The following AUH variants were observed in gnomAD, a reference collection of about 807,000 sequenced individuals.
AUH encodes AU RNA binding methylglutaconyl-CoA hydratase, also known as methylglutaconyl-CoA hydratase, mitochondrial.
Under a neutral mutation model 42.3 loss-of-function variants are expected in AUH, and 29 were observed. That is an observed-to-expected ratio of 0.69 (90% CI 0.51 to 0.93). The LOEUF is 0.93. Ranked by LOEUF, AUH falls within the 40% of genes least tolerant of loss-of-function variation. The pLI is 0.00. For missense variants in AUH, 452 were observed against 438.1 expected (o/e 1.03, Z -0.28); for synonymous variants, 174 against 166.4 (o/e 1.05, Z -0.35).
chr9:91,221,626 CTG>C (rs1402586520), intron 6 of AUH, among the ~76,000 whole-genome samples: 1 of 152,022 alleles, frequency 6.6e-6, no homozygotes, highest in African/African-American at 2.4e-5. Flanking sequence ...GGAAAATCCA[CTG>C]TGTGTGGAGT....
intron 6 of AUH, among the ~76,000 whole-genome samples, chr9:91,280,097 T>A (rs1825847075): frequency 6.6e-6 from 1 of 152,190 alleles, no homozygotes; most frequent in South Asian, 2.1e-4. Context: ...AAAAAAGCAG[T>A]CACCAAACTG....
At chr9:91,304,267 A>G (rs1203816229) in intron 4 of AUH, among the ~76,000 whole-genome samples, 1 of 152,190 alleles carries the variant, frequency 6.6e-6, no homozygotes, top group Non-Finnish European at 1.5e-5. Flanking sequence ...CTGTCATAGT[A>G]ATTTCAGGCT....
intron 6 of AUH, among the ~76,000 whole-genome samples, chr9:91,252,790 C>T (rs1427149831): frequency 1.3e-5 from 2 of 152,164 alleles, no homozygotes; most frequent in Non-Finnish European, 2.9e-5. Context: ...AGAAACAAAG[C>T]CAGTAGCATT....
chr9:91,243,014 A>T (rs918571836), intron 6 of AUH, among the ~76,000 whole-genome samples: 1 of 152,226 alleles, frequency 6.6e-6, no homozygotes, highest in East Asian at 1.9e-4. Flanking sequence ...TTGAGAACTT[A>T]CTAGGTACTA....
At chr9:91,256,589 G>C (rs985962957) in intron 6 of AUH, among the ~76,000 whole-genome samples, 3 of 152,154 alleles carry the variant, frequency 2.0e-5, no homozygotes, top group East Asian at 3.9e-4. Context: ...CCCCACCTTG[G>C]GGGTAGGAGG....
chr9:91,344,389 T>C (rs541938609), intron 3 of AUH, among the ~76,000 whole-genome samples: 24 of 152,218 alleles, frequency 1.6e-4, no homozygotes, highest in Non-Finnish European at 2.8e-4. Context: ...CATGTATTGA[T>C]TGATGTCTTA....
At chr9:91,218,811 C>A in intron 7 of AUH, 1 of 985,140 alleles carries the variant, frequency 1.0e-6, no homozygotes, top group Non-Finnish European at 1.2e-6. Context: ...GAGGACTAAT[C>A]ATTTGGCAAC....
At chr9:91,236,799 T>C (rs1564019635) in intron 6 of AUH, among the ~76,000 whole-genome samples, 1 of 152,224 alleles carries the variant, frequency 6.6e-6, no homozygotes, top group African/African-American at 2.4e-5. Flanking sequence ...ATAAATTTTC[T>C]GTGTTTTAAA....
At chr9:91,231,960 G>A (rs1028915577) in intron 6 of AUH, among the ~76,000 whole-genome samples, 7 of 152,148 alleles carry the variant, frequency 4.6e-5, no homozygotes, top group East Asian at 1.9e-4. Flanking sequence ...ATCTCACAGC[G>A]ACCACAGTTA....
intron 6 of AUH, among the ~76,000 whole-genome samples, chr9:91,265,595 G>A (rs1478590980): frequency 6.6e-6 from 1 of 152,144 alleles, no homozygotes; most frequent in Non-Finnish European, 1.5e-5. Context: ...CCCTTAAGGG[G>A]GAATTCTGAA....
Position 91,220,792 on chromosome 9 carries a change from T to A in AUH, c.843+13A>T, listed in dbSNP as rs747375365. On this transcript the variant is annotated intron_variant, in intron 7 of 9. Transcript: ENST00000375731. ...TAAAATGAGAAAAAATAAACTCATTTAATGAGAAATACCTGAGGTAAAAAC... is the reference window on the plus strand; with the variant it reads ...TAAAATGAGAAAAAATAAACTCATTAAATGAGAAATACCTGAGGTAAAAAC... 1.2e-6 allele frequency: 2 copies of A among 1,613,724 alleles called. No individual in the cohort carries two copies. The highest frequency in any genetic ancestry group is 2.2e-5 in the South Asian group (2 of 91,082).
intron 7 of AUH, among the ~76,000 whole-genome samples, chr9:91,217,657 TA>T (rs1220206567): frequency 6.6e-6 from 1 of 152,094 alleles, no homozygotes; most frequent in Non-Finnish European, 1.5e-5. Context: ...GAAAAGGAGG[TA>T]GTCTTTGCCT....
intron 6 of AUH, among the ~76,000 whole-genome samples, chr9:91,252,085 G>A (rs893204006): frequency 1.3e-5 from 2 of 151,884 alleles, no homozygotes; most frequent in South Asian, 4.1e-4. Context: ...TTCTGCCTCC[G>A]CCTCCTCAGT....
intron 4 of AUH, among the ~76,000 whole-genome samples, chr9:91,303,876 T>TA (rs1054397066): frequency 6.6e-6 from 1 of 152,158 alleles, no homozygotes; most frequent in Non-Finnish European, 1.5e-5. Context: ...CACTGAGGTT[T>TA]AAAAAAAATC....
At chr9:91,243,153 A>C (rs1186569088) in intron 6 of AUH, among the ~76,000 whole-genome samples, 1 of 152,214 alleles carries the variant, frequency 6.6e-6, no homozygotes, top group Non-Finnish European at 1.5e-5. Flanking sequence ...ATCCATATGC[A>C]CTAGTAAATC....
chr9:91,234,673 T>G (rs866893714), intron 6 of AUH, among the ~76,000 whole-genome samples: 24 of 151,686 alleles, frequency 1.6e-4, no homozygotes, highest in South Asian at 8.4e-4. Context: ...ACCTAACAAG[T>G]GCCAGGCACT....
At chr9:91,327,297 T>C (rs1201403140) in intron 3 of AUH, among the ~76,000 whole-genome samples, 2 of 152,172 alleles carry the variant, frequency 1.3e-5, no homozygotes, top group East Asian at 1.9e-4. Context: ...CCACTGACAG[T>C]TTAAAGTCTA....
intron 6 of AUH, among the ~76,000 whole-genome samples, chr9:91,223,364 C>G (rs1827244805): frequency 6.6e-6 from 1 of 152,182 alleles, no homozygotes; most frequent in Non-Finnish European, 1.5e-5. Context: ...AGCGTAATGT[C>G]CTCAAGATTC....
intron 6 of AUH, among the ~76,000 whole-genome samples, chr9:91,248,086 T>C (rs761016879): frequency 6.6e-6 from 1 of 152,254 alleles, no homozygotes; most frequent in Non-Finnish European, 1.5e-5. Context: ...AAACCTTAGA[T>C]TTCTAACCCA....
Sources: gnomAD v4.1 joint callset for allele counts (sites outside exome capture counted in the v4.1 genomes callset) on GRCh38, gnomAD v4.1.1 for gene constraint, MANE v1.5 for transcripts, NCBI Gene and HGNC (gene_info 2026-07-23, HGNC 2026-07-21) for gene names.